Variants in NOS1 observed in about 807,000 individuals in gnomAD.
NOS1 encodes the protein NOS type I.
A neutral mutation model predicts 164.5 loss-of-function variants in NOS1; 51 were observed. The ratio of observed to expected loss-of-function variants is 0.31; its 90% CI spans 0.25 to 0.39. NOS1 has a LOEUF of 0.39. Ranked by LOEUF, NOS1 falls within the 10% of genes least tolerant of loss-of-function variation. The probability of loss-of-function intolerance (pLI) is 1.00; values close to 1 mark genes in which losing one functional copy is unlikely to be tolerated. For missense variants in NOS1, 1,362 were observed against 1,885.6 expected, an observed-to-expected ratio of 0.72 and a Z score of 5.14; for synonymous variants, 719 against 745.8, an observed-to-expected ratio of 0.96 and a Z score of 0.59.
At chr12:117,248,118 G>A (rs1431472921) in intron 17 of NOS1, among the ~76,000 whole-genome samples, 1 of 151,826 alleles carries the variant, frequency 6.6e-6, no homozygotes, top group Non-Finnish European at 1.5e-5. Flanking sequence ...TCACTAGAAA[G>A]CAACGCTGCT....
At chr12:117,343,681 CATA>C (rs1876217980) in intron 1 of NOS1, among the ~76,000 whole-genome samples, 1 of 152,164 alleles carries the variant, frequency 6.6e-6, no homozygotes. Context: ...TTTCAGGGAA[CATA>C]ATAACTGTTT....
intron 3 of NOS1, among the ~76,000 whole-genome samples, chr12:117,304,332 C>A (rs1325542240): frequency 6.6e-6 from 1 of 152,174 alleles, no homozygotes. Flanking sequence ...TTCTTTTAGG[C>A]AAACTTCTAC....
chr12:117,218,636 G>A (rs1363962040), intron 27 of NOS1, among the ~76,000 whole-genome samples: 1 of 152,112 alleles, frequency 6.6e-6, no homozygotes, highest in Non-Finnish European at 1.5e-5. Flanking sequence ...GCTACCCACA[G>A]TGGAGACTCC....
chr12:117,306,393 G>A (rs116407749), intron 3 of NOS1, among the ~76,000 whole-genome samples: 1,302 of 118,152 alleles, frequency 0.011, 13 homozygotes, highest in African/African-American at 0.04. Context: ...AAAGGCTAGC[G>A]GTCCTTCTTC....
At chr12:117,220,378 G>T in intron 26 of NOS1, 109 bp from the exon 27 acceptor site, 2 of 1,100,474 alleles carry the variant, frequency 1.8e-6, no homozygotes, top group Non-Finnish European at 2.6e-6. Flanking sequence ...TGGGCAGGTA[G>T]GATCTTTTGT....
chr12:117,286,462 G>T (rs1874125151), intron 5 of NOS1, among the ~76,000 whole-genome samples, 196 bp from the exon 6 acceptor site: 1 of 152,164 alleles, frequency 6.6e-6, no homozygotes, highest in South Asian at 2.1e-4. Flanking sequence ...GAACATTGTA[G>T]ATATAAGTCA....
intron 1 of NOS1, among the ~76,000 whole-genome samples, chr12:117,332,903 T>A (rs1875616839): frequency 6.6e-6 from 1 of 152,224 alleles, no homozygotes; most frequent in African/African-American, 2.4e-5. Context: ...ATTCTAGTTA[T>A]TTTCTTAACT....
chr12:117,241,845 C>T (rs891661142), intron 20 of NOS1, among the ~76,000 whole-genome samples: 1 of 152,164 alleles, frequency 6.6e-6, no homozygotes, highest in Non-Finnish European at 1.5e-5. Flanking sequence ...GCATATTTGG[C>T]AGTGATCACA....
At chr12:117,302,649 C>T (rs532919211) in intron 3 of NOS1, among the ~76,000 whole-genome samples, 5 of 151,192 alleles carry the variant, frequency 3.3e-5, no homozygotes, top group South Asian at 4.2e-4. Flanking sequence ...ACCAGCTTGG[C>T]GCTGGATTCC....
intron 26 of NOS1, among the ~76,000 whole-genome samples, chr12:117,221,818 A>ATTTTT (rs3070338): frequency 2.7e-5 from 3 of 111,550 alleles, no homozygotes; most frequent in East Asian, 2.6e-4. Flanking sequence ...GCTAACTTAA[A>ATTTTT]TTTTTTTTTT....
At chr12:117,269,460 A>ATTTTT (rs200222625) in intron 10 of NOS1, among the ~76,000 whole-genome samples, 3 of 110,032 alleles carry the variant, frequency 2.7e-5, no homozygotes, top group Non-Finnish European at 5.0e-5. Context: ...ATCTCTGGAG[A>ATTTTT]TTTGTTTTTT....
Position 117,290,423 on chromosome 12 carries a change from G to A in NOS1, c.856C>T (p.Pro286Ser). 6.2e-7 allele frequency: 1 copy of A among 1,611,586 alleles called. No individual in the cohort carries two copies. Among genetic ancestry groups the A allele is most frequent in the Non-Finnish European group, 8.5e-7 (1 of 1,178,750 alleles). The change falls in exon 4 of 29, where the codon CCC (proline) becomes TCC (serine). Residue 286 changes from proline to serine, a missense_variant. By Grantham distance (74) the Pro-to-Ser change is moderately conservative. Transcript: ENST00000317775. ...GTGGGGGACTGTTTTCCTGAGGTGG[G>A]GGGCTGCAGGAGAGAATGAAGGTGG... ...NNPYSEKEQP[P>S]TSGKQSPTKN...
Position 117,311,552 on chromosome 12 carries a change from C to T in NOS1, c.766G>A (p.Val256Met), listed in dbSNP as rs746579521. ...TCATTGAAGACTCGGTCGTTCTCCA[C>T]GCCGAGGGGCAGAGGTTTGTGTGAC... The part of the protein sequence containing the change: ...GKSHKPLPLG[V>M]ENDRVFNDLW... The change falls in exon 3 of 29, where the codon GTG becomes ATG. Residue 256 changes from valine (V) to methionine (M), a missense_variant. By Grantham distance (21) the Val-to-Met change is conservative (BLOSUM62 1). Coordinates refer to ENST00000317775, the MANE Select transcript of NOS1 (RefSeq NM_000620.5). 8.7e-5 allele frequency: 141 copies of T among 1,612,822 alleles called. No individual in the cohort carries two copies. The highest frequency in any genetic ancestry group is 1.1e-4 in the Non-Finnish European group (127 of 1,179,526).
At chr12:117,351,391 G>C (rs1406907331) in intron 1 of NOS1, among the ~76,000 whole-genome samples, 1 of 152,128 alleles carries the variant, frequency 6.6e-6, no homozygotes, top group African/African-American at 2.4e-5. Flanking sequence ...TTCAGGCCTG[G>C]AGTGGCAACT....
chr12:117,218,227 C>G (rs41501744), intron 27 of NOS1, 63 bp from the exon 28 acceptor site: 1 of 1,210,810 alleles, frequency 8.3e-7, no homozygotes, highest in Non-Finnish European at 1.2e-6. Flanking sequence ...GGAGCAGGGG[C>G]AGACTTGCCT....
At chr12:117,296,261 C>G (rs546288323) in intron 3 of NOS1, among the ~76,000 whole-genome samples, 14 of 152,264 alleles carry the variant, frequency 9.2e-5, no homozygotes, top group Admixed American at 2.0e-4. Context: ...TTATTTGAAG[C>G]CTGTGATAGT....
chr12:117,256,596 T>C (rs1055213020), intron 16 of NOS1, among the ~76,000 whole-genome samples: 9 of 151,860 alleles, frequency 5.9e-5, no homozygotes, highest in Non-Finnish European at 1.2e-4. Flanking sequence ...GATTTTCTGC[T>C]TAACACAGCC....
chr12:117,219,947 T>C (rs916879569), intron 27 of NOS1, 128 bp downstream of exon 27: 2 of 867,376 alleles, frequency 2.3e-6, no homozygotes, highest in African/African-American at 3.4e-5. Flanking sequence ...CCCTCAGTGG[T>C]AAGTGCAACG....
intron 4 of NOS1, 49 bp from the exon 5 acceptor site, chr12:117,288,268 G>A (rs1463193322): frequency 1.9e-6 from 3 of 1,575,780 alleles, no homozygotes; most frequent in Non-Finnish European, 2.6e-6. Flanking sequence ...CCCAAGAGTG[G>A]CAGGTGTTAG....
Sources: allele counts gnomAD v4.1 joint callset (sites outside exome capture counted in the v4.1 genomes callset), GRCh38; gene constraint gnomAD v4.1.1; transcripts MANE v1.5; gene names NCBI Gene and HGNC (gene_info 2026-07-23, HGNC 2026-07-21).